Variants in HTT observed in about 807,000 individuals in gnomAD.
HTT encodes the protein huntington disease protein.
HTT carries 104 observed loss-of-function variants against 362.3 expected under a neutral mutation model. The ratio of observed to expected loss-of-function variants is 0.29; its 90% CI spans 0.24 to 0.34. The LOEUF (loss-of-function observed/expected upper bound fraction) is 0.34, where lower values mean the gene tolerates loss of function less well. HTT is among the 10% of genes least tolerant of loss of function. The probability of loss-of-function intolerance (pLI) is 1.00; values close to 1 mark genes in which losing one functional copy is unlikely to be tolerated. For synonymous variants in HTT, 1,577 were observed against 1,548.7 expected (o/e 1.02, Z -0.43); for missense variants, 3,301 against 3,928.6 (o/e 0.84, Z 4.27).
chr4:3,206,862 C>T lies in HTT; in HGVS notation c.5954C>T (p.Ser1985Leu), dbSNP rs781149163. ...QCLEGIHLSQ[S>L]GAVLTLYVDR... ...TTGGAGGGGATCCATCTCAGCCAGTCGGGAGCTGTGCTCACGCTGTATGTG... is the reference window on the plus strand; with the variant it reads ...TTGGAGGGGATCCATCTCAGCCAGTTGGGAGCTGTGCTCACGCTGTATGTG... Residue 1985 changes from serine to leucine, a missense_variant, in exon 44 of 67, where the codon TCG becomes TTG. Around this residue, in one of 4 missense-constraint regions of HTT, gnomAD observed 2,316 missense variants for 2,658.5 expected, o/e 0.87. Transcript: ENST00000355072. The surrounding 1 kb of genome is among the most constrained non-coding windows in gnomAD (Gnocchi z 4.6). 4 of 1,613,590 alleles carry T rather than the reference C, an allele frequency of 2.5e-6. No individual in the cohort carries two copies. The highest frequency in any genetic ancestry group is 1.1e-5 in the South Asian group (1 of 91,046).
At chr4:3,148,904 C>T (rs1578538684) in intron 26 of HTT, among the ~76,000 whole-genome samples, 2 of 152,314 alleles carry the variant, frequency 1.3e-5, no homozygotes, top group Admixed American at 6.5e-5. Flanking sequence ...TTGCAGTAAG[C>T]CTTGATTGTG....
rs1715018788 is a variant in HTT, at chr4:3,116,183, A to G, written c.988A>G (p.Lys330Glu). Residue 330 changes from lysine to glutamate, a missense_variant, in exon 8 of 67, where the codon AAG (lysine) becomes GAG (glutamate). Around this residue, in one of 4 missense-constraint regions of HTT, gnomAD observed 2,316 missense variants for 2,658.5 expected, o/e 0.87. Coordinates refer to ENST00000355072, the MANE Select transcript of HTT (RefSeq NM_001388492.1). ...GGTGCCCTTGCTGCAGCAGCAGGTC[A>G]AGGACACAAGCCTGAAAGGCAGCTT... The part of the protein sequence containing the change: ...YLVPLLQQQV[K>E]DTSLKGSFGV... The G allele has an allele frequency of 6.2e-7, 1 of 1,614,138 alleles. No individual in the cohort carries two copies. Among genetic ancestry groups the G allele is most frequent in the African/African-American group, 1.3e-5 (1 of 75,056 alleles).
chr4:3,199,963 C>A, intron 41 of HTT, 24 bp downstream of exon 41: 3 of 1,585,330 alleles, frequency 1.9e-6, no homozygotes, highest in Non-Finnish European at 2.6e-6. Flanking sequence ...GCCCCACAGC[C>A]CAGGGCGCCA....
chr4:3,236,184 C>G lies in HTT; in HGVS notation c.8821C>G (p.Pro2941Ala). Residue 2941 changes from proline to alanine, a missense_variant, in exon 64 of 67, where the codon CCT becomes GCT. By Grantham distance (27) the Pro-to-Ala change is conservative. This residue lies in a region of HTT where 753 missense variants were observed against 1,021.3 expected (regional missense o/e 0.74). Coordinates refer to ENST00000355072, the MANE Select transcript of HTT (RefSeq NM_001388492.1). ...AGTCAGTCCGGGTAGAACTTCAGAC[C>G]CTAATCCTGCAGCCCCCGACAGCGA... The part of the protein sequence containing the change: ...EKVSPGRTSD[P>A]NPAAPDSESV... 6.2e-7 allele frequency: 1 copy of G among 1,614,152 alleles called. No individual in the cohort carries two copies. Among genetic ancestry groups the G allele is most frequent in the Non-Finnish European group, 8.5e-7 (1 of 1,179,972 alleles).
At chr4:3,140,905 G>A (rs889244293) in intron 22 of HTT, among the ~76,000 whole-genome samples, 3 of 151,998 alleles carry the variant, frequency 2.0e-5, no homozygotes, top group Non-Finnish European at 2.9e-5. Context: ...TACATTCCAT[G>A]TGCTGACAGT....
intron 18 of HTT, 133 bp from the exon 19 acceptor site, chr4:3,134,268 A>G (rs1715959623): frequency 1.5e-6 from 1 of 677,250 alleles, no homozygotes; most frequent in Admixed American, 2.6e-5. Context: ...GAGGTGTGGG[A>G]AAAATGCAAC....
In HTT at chr4:3,208,810, C is replaced by T; in HGVS notation, c.6190C>T (p.Leu2064Phe). ...CTATTCCCTGCTGGACAGGTTTCGT[C>T]TCTCCACCATGCAAGACTCACTTAG... Reference protein sequence around the residue: ...RLYSLLDRFRLSTMQDSLSPS... With the variant: ...RLYSLLDRFRFSTMQDSLSPS... Residue 2064 changes from leucine to phenylalanine, a missense_variant, in exon 46 of 67, where the codon CTC (leucine) becomes TTC (phenylalanine). Physicochemically the swap from Leu to Phe is conservative, Grantham distance 22 (BLOSUM62 0). Transcript: ENST00000355072. 19 of 1,614,080 alleles carry T rather than the reference C, an allele frequency of 1.2e-5. No individual in the cohort carries two copies. The highest frequency in any genetic ancestry group is 2.2e-5 in the South Asian group (2 of 91,076).
intron 29 of HTT, among the ~76,000 whole-genome samples, chr4:3,165,292 G>C (rs1717646304): frequency 6.6e-6 from 1 of 152,184 alleles, no homozygotes; most frequent in Admixed American, 6.5e-5. Context: ...GAGATCTGCT[G>C]TTAGTCTGAT....
intron 26 of HTT, among the ~76,000 whole-genome samples, chr4:3,148,722 C>T (rs970494277): frequency 3.3e-5 from 5 of 152,010 alleles, no homozygotes; most frequent in Non-Finnish European, 4.4e-5. Context: ...GGCGTGAATC[C>T]GGGAGGCGGA....
intron 57 of HTT, among the ~76,000 whole-genome samples, chr4:3,226,790 C>A (rs1366452126): frequency 2.0e-5 from 3 of 152,256 alleles, no homozygotes; most frequent in Non-Finnish European, 4.4e-5. Flanking sequence ...ATGTCACAAG[C>A]CTGTTTCTGT....
At chr4:3,087,082 G>A (rs1713247398) in intron 2 of HTT, 60 bp downstream of exon 2, 1 of 868,280 alleles carries the variant, frequency 1.2e-6, no homozygotes, top group African/African-American at 1.7e-5. Flanking sequence ...CAGTCTTAAT[G>A]GGCTAGAATA....
intron 26 of HTT, among the ~76,000 whole-genome samples, chr4:3,149,559 C>T (rs372612880): frequency 4.0e-4 from 61 of 151,412 alleles, no homozygotes; most frequent in African/African-American, 1.5e-3. Flanking sequence ...CTATCCGCTT[C>T]GGCCTCCCAA....
chr4:3,121,167 G>C, intron 8 of HTT, 61 bp from the exon 9 acceptor site: 3 of 1,276,264 alleles, frequency 2.4e-6, no homozygotes, highest in Non-Finnish European at 3.4e-6. Flanking sequence ...CAACAAAAAA[G>C]TGAAGCTTAG....
At chr4:3,236,340 C>T in intron 64 of HTT, 86 bp downstream of exon 64, 1 of 931,290 alleles carries the variant, frequency 1.1e-6, no homozygotes. Flanking sequence ...CTGCTGATCC[C>T]CTGGCGCTGT....
At chr4:3,082,744 G>A (rs770783156) in intron 1 of HTT, among the ~76,000 whole-genome samples, 6 of 152,160 alleles carry the variant, frequency 3.9e-5, no homozygotes, top group African/African-American at 1.4e-4. Flanking sequence ...GCTCATATGT[G>A]TCCAGGTGTA....
chr4:3,117,847 G>C (rs7663133), intron 8 of HTT, among the ~76,000 whole-genome samples: 22,968 of 152,042 alleles, frequency 0.15, 2,673 homozygotes, highest in African/African-American at 0.33. Context: ...AAACAAAACT[G>C]CAAAACAACG....
At chr4:3,145,354 G>C in intron 24 of HTT, 126 bp downstream of exon 24, 1 of 704,406 alleles carries the variant, frequency 1.4e-6, no homozygotes, top group Non-Finnish European at 2.5e-6. Flanking sequence ...AAAAATATCT[G>C]ATGGAATACT....
chr4:3,214,209 G>A (rs1720290441), intron 50 of HTT, 74 bp downstream of exon 50: 1 of 1,199,212 alleles, frequency 8.3e-7, no homozygotes, highest in Non-Finnish European at 1.1e-6. Context: ...ATTTTGTGCT[G>A]CCTGTTTGCC....
At chr4:3,185,577 G>T (rs760875374) in intron 37 of HTT, among the ~76,000 whole-genome samples, 6 of 152,212 alleles carry the variant, frequency 3.9e-5, no homozygotes, top group African/African-American at 4.8e-5. Flanking sequence ...ACACACTGTG[G>T]TATAAGCTTA....
Sources: gnomAD v4.1 joint callset for allele counts (sites outside exome capture counted in the v4.1 genomes callset) on GRCh38, gnomAD v4.1.1 for gene constraint, gnomAD v4.1.1 regional missense constraint, Gnocchi (gnomAD v3.1) non-coding constraint, MANE v1.5 for transcripts, NCBI Gene and HGNC (gene_info 2026-07-23, HGNC 2026-07-21) for gene names.